The following RNF6 variants were observed in gnomAD, a reference collection of about 807,000 sequenced individuals.
The protein encoded by RNF6 is E3 ubiquitin-protein ligase RNF6.
In RNF6, 21 loss-of-function variants were observed where a neutral mutation model predicts 50.1. The observed-to-expected ratio is 0.42, with a 90% CI of 0.30 to 0.60. The LOEUF (loss-of-function observed/expected upper bound fraction) is 0.60. Among genes scored for constraint, RNF6 ranks in the 20% least tolerant of loss-of-function variants. The pLI, the probability that RNF6 is intolerant of heterozygous loss-of-function variation, is 0.20. For missense variants in RNF6, 698 were observed against 838.2 expected (o/e 0.83, Z 2.07); for synonymous variants, 255 against 291.8 (o/e 0.87, Z 1.29).
chr13:26,146,235 G>T (rs1347707867), intron 5 of RNF6, among the ~76,000 whole-genome samples: 2 of 152,208 alleles, frequency 1.3e-5, no homozygotes, highest in Non-Finnish European at 2.9e-5. Flanking sequence ...TTCTCAAGGG[G>T]ACTCAGCAAC....
intron 5 of RNF6, among the ~76,000 whole-genome samples, chr13:26,174,799 A>C (rs1872873023): frequency 6.6e-6 from 1 of 152,108 alleles, no homozygotes; most frequent in South Asian, 2.1e-4. Context: ...AAATCCTGGC[A>C]GTTGAGGGCT....
At chr13:26,185,887 C>G (rs1462101151) in intron 5 of RNF6, among the ~76,000 whole-genome samples, 1 of 152,190 alleles carries the variant, frequency 6.6e-6, no homozygotes, top group Non-Finnish European at 1.5e-5. Context: ...GTTCCTTCCT[C>G]CCTCACATTC....
intron 3 of RNF6, chr13:26,219,235 C>G (rs924246892): frequency 3.7e-5 from 15 of 402,826 alleles, no homozygotes; most frequent in Non-Finnish European, 6.6e-5. Context: ...CTTAGTTTGG[C>G]ATTTGTATAA....
intron 5 of RNF6, among the ~76,000 whole-genome samples, chr13:26,148,656 A>AC (rs1871389928): frequency 7.6e-6 from 1 of 131,598 alleles, no homozygotes; most frequent in Non-Finnish European, 1.6e-5. Context: ...ATATATATAT[A>AC]TATATATATA....
intron 5 of RNF6, among the ~76,000 whole-genome samples, chr13:26,207,393 C>T (rs1869153479): frequency 2.0e-5 from 3 of 151,750 alleles, no homozygotes; most frequent in South Asian, 2.1e-4. Context: ...AGTGACAAGT[C>T]GAAATGAGGC....
intron 5 of RNF6, among the ~76,000 whole-genome samples, chr13:26,184,374 G>A (rs1873416235): frequency 6.6e-6 from 1 of 152,068 alleles, no homozygotes; most frequent in Admixed American, 6.6e-5. Context: ...TTTAGCCTCT[G>A]CATAAAGGCA....
In RNF6 at chr13:26,148,632, T is replaced by TTTTA. The variant is rs1555314571; in HGVS notation, n.769-16182_769-16181insTAAA. Reference sequence around the variant, plus strand: ...AATAGAAACAATAGTATAAATCTCTTTATATATATATATATATATATATAT... The same window carrying TTTTA: ...AATAGAAACAATAGTATAAATCTCTTTTTATATATATATATATATATATATATAT... On this transcript the variant is annotated intron_variant and non_coding_transcript_variant, in intron 5 of 5. Transcript: ENST00000468480. Among the ~76,000 whole-genome samples the TTTTA allele has an allele frequency of 1.6e-3, 76 of 47,068 alleles. 1 individual carries two copies. Among genetic ancestry groups the TTTTA allele is most frequent in the African/African-American group, 7.3e-3 (69 of 9,494 alleles). The allele number at this position is 47,068 out of a possible 152,430, so 30.9% of individuals were successfully genotyped here. A position where few individuals can be genotyped will look rare whatever the true frequency, so the allele number is the denominator to read the frequency against.
rs555957626 is a variant in RNF6, at chr13:26,139,064, C to A, written n.769-6613G>T. 2.1e-4 allele frequency among the ~76,000 whole-genome samples: 32 copies of A among 152,144 alleles called. 1 individual carries two copies. The highest frequency in any genetic ancestry group is 3.2e-4 in the Non-Finnish European group (22 of 68,020). On this transcript the variant is annotated intron_variant and non_coding_transcript_variant, in intron 5 of 5. Transcript: ENST00000468480. ...TTATATGTTTCGACATCTTAAAATT[C>A]TTTGCTGTCCAGAGAGAGATTGTCT... is the stretch of plus-strand genomic sequence containing the variant.
chr13:26,184,036 T>A (rs1156827982), intron 5 of RNF6, among the ~76,000 whole-genome samples: 13 of 88,508 alleles, frequency 1.5e-4, no homozygotes, highest in Non-Finnish European at 2.4e-4. Flanking sequence ...TTTTTTTTTT[T>A]TTTTTTTTGA....
At chr13:26,203,370 G>A (rs553458577) in intron 5 of RNF6, among the ~76,000 whole-genome samples, 1 of 152,360 alleles carries the variant, frequency 6.6e-6, no homozygotes, top group African/African-American at 2.4e-5. Flanking sequence ...GGTGGTTTGG[G>A]AGAGCAAAGG....
chr13:26,194,372 G>C (rs138786530), intron 5 of RNF6, among the ~76,000 whole-genome samples: 1 of 152,186 alleles, frequency 6.6e-6, no homozygotes, highest in East Asian at 1.9e-4. Flanking sequence ...CCATCAAAAG[G>C]GAGGAGAAGA....
intron 5 of RNF6, among the ~76,000 whole-genome samples, chr13:26,195,978 T>C (rs1402698005): frequency 6.6e-6 from 1 of 152,096 alleles, no homozygotes; most frequent in Non-Finnish European, 1.5e-5. Context: ...CAGACTGACA[T>C]ACATATAGTA....
Position 26,173,531 on chromosome 13 carries a change from T to C in RNF6, n.769-41080A>G, listed in dbSNP as rs796328982. On this transcript the variant is annotated intron_variant and non_coding_transcript_variant, in intron 5 of 5. Transcript: ENST00000468480. ...GCCCTACAATTTCATATTTTGCTTA[T>C]GGATAGATAGATATAAATAAAATTT... Among the ~76,000 whole-genome samples the C allele has an allele frequency of 9.0e-4, 137 of 152,240 alleles. 1 individual carries two copies. Among genetic ancestry groups the C allele is most frequent in the African/African-American group, 3.2e-3 (135 of 41,548 alleles).
At chr13:26,147,643 C>G (rs1031322280) in intron 5 of RNF6, among the ~76,000 whole-genome samples, 1 of 152,220 alleles carries the variant, frequency 6.6e-6, no homozygotes, top group Non-Finnish European at 1.5e-5. Flanking sequence ...TTTAGGATCT[C>G]ATTCTTTCCC....
At chr13:26,157,607 C>G (rs485250) in intron 5 of RNF6, among the ~76,000 whole-genome samples, 139,112 of 152,278 alleles carry the variant, frequency 0.91, 63,652 homozygotes, top group East Asian at 0.98. Context: ...GCAAAAAAAG[C>G]CAAACAAGTC....
In RNF6 at chr13:26,165,312, C is replaced by T. The variant is rs530503668; in HGVS notation, n.769-32861G>A. On this transcript the variant is annotated intron_variant and non_coding_transcript_variant, in intron 5 of 5. Coordinates refer to the RNF6 transcript ENST00000468480. The stretch of plus-strand genomic sequence containing the variant: ...CTAGATTTCGGAGAATGTATGGAAA[C>T]GCCTGGATGTCTAGGCAGAAGTTTG... Among the ~76,000 whole-genome samples, 11 of 152,292 alleles carry T rather than the reference C, an allele frequency of 7.2e-5. No individual in the cohort carries two copies. In the East Asian group the frequency reaches 7.7e-4, roughly 11 times the overall value.
At chr13:26,154,832 C>G (rs1249965800) in intron 5 of RNF6, among the ~76,000 whole-genome samples, 1 of 152,200 alleles carries the variant, frequency 6.6e-6, no homozygotes, top group Middle Eastern at 3.4e-3. Flanking sequence ...GAGCTTGAGA[C>G]CAGCCTGGCC....
At chr13:26,204,701 T>C (rs1233612484) in intron 5 of RNF6, among the ~76,000 whole-genome samples, 1 of 152,140 alleles carries the variant, frequency 6.6e-6, no homozygotes, top group Admixed American at 6.5e-5. Context: ...ATCACCTAAA[T>C]ATAACACATT....
At chr13:26,200,910 A>T (rs1394470995) in intron 5 of RNF6, among the ~76,000 whole-genome samples, 2 of 152,238 alleles carry the variant, frequency 1.3e-5, no homozygotes, top group African/African-American at 4.8e-5. Context: ...CAAAGTAAGT[A>T]AAAAGTAATC....
Sources: gnomAD v4.1 joint callset for allele counts (sites outside exome capture counted in the v4.1 genomes callset) on GRCh38, gnomAD v4.1.1 for gene constraint, MANE v1.5 for transcripts, NCBI Gene and HGNC (gene_info 2026-07-23, HGNC 2026-07-21) for gene names.